The following CERS3 variants were observed in gnomAD, a reference collection of about 807,000 sequenced individuals.
The protein encoded by CERS3 is LAG1 homolog, ceramide synthase 3.
CERS3 carries 33 observed loss-of-function variants against 50.3 expected under a neutral mutation model. The observed-to-expected ratio is 0.66, with a 90% CI of 0.50 to 0.88. The LOEUF (loss-of-function observed/expected upper bound fraction) is 0.88, where lower values mean the gene tolerates loss of function less well. Ranked by LOEUF, CERS3 falls within the 40% of genes least tolerant of loss-of-function variation. The pLI is 0.00. For missense variants in CERS3, 470 were observed against 460.3 expected (o/e 1.02, Z -0.19); for synonymous variants, 176 against 155.2 (o/e 1.13, Z -0.99).
At chr15:100,420,495 C>T (rs1231779853) in intron 11 of CERS3, among the ~76,000 whole-genome samples, 1 of 152,042 alleles carries the variant, frequency 6.6e-6, no homozygotes, top group African/African-American at 2.4e-5. Context: ...CTGAATTCTA[C>T]CAGAGGTACA....
chr15:100,486,374 G>A (rs912562440), intron 4 of CERS3, among the ~76,000 whole-genome samples: 18 of 152,190 alleles, frequency 1.2e-4, no homozygotes, highest in Admixed American at 9.8e-4. Flanking sequence ...CTATGTAGGC[G>A]TAAGCACCGC....
intron 11 of CERS3, among the ~76,000 whole-genome samples, chr15:100,421,487 T>C (rs1038646111): frequency 5.3e-5 from 8 of 151,870 alleles, no homozygotes; most frequent in African/African-American, 9.7e-5. Context: ...AGAAACAATA[T>C]CGTGAAAATG....
At chr15:100,415,205 A>T (rs1032393702) in intron 11 of CERS3, among the ~76,000 whole-genome samples, 1 of 152,238 alleles carries the variant, frequency 6.6e-6, no homozygotes, top group African/African-American at 2.4e-5. Flanking sequence ...GAGAACTGCA[A>T]ATCAAAATCA....
intron 10 of CERS3, among the ~76,000 whole-genome samples, chr15:100,466,861 T>TTCTTTCTC (rs2034760014): frequency 2.8e-5 from 1 of 35,126 alleles, no homozygotes; most frequent in African/African-American, 1.0e-4. Context: ...CTCTCTTTCT[T>TTCTTTCTC]TCTTTCTTTC....
chr15:100,497,888 CACACACACTT>C (rs766538642), intron 3 of CERS3, among the ~76,000 whole-genome samples: 14,579 of 64,944 alleles, frequency 0.22, 675 homozygotes, highest in Middle Eastern at 0.29. Flanking sequence ...CACACACACA[CACACACACTT>C]TTTTTTTTTT....
chr15:100,500,528 C>T (rs1457548999), intron 3 of CERS3: 1 of 152,180 alleles, frequency 6.6e-6, no homozygotes, highest in Non-Finnish European at 1.5e-5. Flanking sequence ...AAGTAATGGA[C>T]CTGGATGCCA....
chr15:100,523,900 T>C (rs746118902), intron 1 of CERS3, among the ~76,000 whole-genome samples: 1 of 152,128 alleles, frequency 6.6e-6, no homozygotes, highest in Non-Finnish European at 1.5e-5. Flanking sequence ...CTAGAAGTTA[T>C]ATTGTTTTAC....
intron 11 of CERS3, among the ~76,000 whole-genome samples, chr15:100,442,915 T>C (rs573809987): frequency 4.8e-4 from 73 of 150,570 alleles, no homozygotes; most frequent in African/African-American, 1.7e-3. Context: ...CTGTTTCCCT[T>C]GCCTCCATAA....
chr15:100,494,210 C>CATATACATAT (rs2035737415), intron 3 of CERS3, among the ~76,000 whole-genome samples: 2 of 78,122 alleles, frequency 2.6e-5, no homozygotes, highest in African/African-American at 1.1e-4. Context: ...TTTTTCTTTT[C>CATATACATAT]ATATATATAT....
intron 11 of CERS3, among the ~76,000 whole-genome samples, chr15:100,434,133 A>G (rs1028125554): frequency 6.6e-6 from 1 of 152,240 alleles, no homozygotes; most frequent in African/African-American, 2.4e-5. Flanking sequence ...CCATGTTTCC[A>G]GGCTCAGACT....
At chr15:100,451,400 C>T (rs1337506442) in intron 11 of CERS3, among the ~76,000 whole-genome samples, 1 of 151,830 alleles carries the variant, frequency 6.6e-6, no homozygotes, top group Non-Finnish European at 1.5e-5. Flanking sequence ...TTTATTTCAC[C>T]TGTGAAAACA....
At chr15:100,532,381 A>G (rs1290299265), upstream of CERS3, among the ~76,000 whole-genome samples, 2 of 152,194 alleles carry the variant, frequency 1.3e-5, no homozygotes, top group Non-Finnish European at 2.9e-5. Flanking sequence ...AGATTTTACT[A>G]TCAACAAACT....
intron 11 of CERS3, among the ~76,000 whole-genome samples, chr15:100,446,982 T>C (rs2033966764): frequency 6.6e-6 from 1 of 152,206 alleles, no homozygotes; most frequent in Non-Finnish European, 1.5e-5. Context: ...ACATAATAGA[T>C]AGCAGCCCCT....
chr15:100,456,134 C>A (rs2034366015), intron 10 of CERS3, 88 bp from the exon 11 acceptor site: 1 of 941,452 alleles, frequency 1.1e-6, no homozygotes, highest in East Asian at 3.0e-5. Flanking sequence ...TTCTCCTAAG[C>A]CATACATGTA....
upstream of CERS3, among the ~76,000 whole-genome samples, chr15:100,531,444 G>C (rs753745893): frequency 7.9e-5 from 12 of 152,150 alleles, no homozygotes; most frequent in Admixed American, 5.2e-4. Flanking sequence ...CGGAGGGTTT[G>C]CTGGTGAAGA....
At chr15:100,520,707 G>T (rs918266590) in intron 2 of CERS3, among the ~76,000 whole-genome samples, 1 of 152,118 alleles carries the variant, frequency 6.6e-6, no homozygotes, top group Admixed American at 6.5e-5. Context: ...AAAATGACAG[G>T]CCCAAGGCAG....
intron 5 of CERS3, among the ~76,000 whole-genome samples, chr15:100,482,556 C>A (rs1265703467): frequency 6.6e-6 from 1 of 151,726 alleles, no homozygotes; most frequent in Non-Finnish European, 1.5e-5. Flanking sequence ...AGGTGGAAAT[C>A]TGTATTTTAA....
intron 11 of CERS3, among the ~76,000 whole-genome samples, chr15:100,419,891 A>C: frequency 6.7e-6 from 1 of 150,012 alleles, no homozygotes; most frequent in Non-Finnish European, 1.5e-5. Flanking sequence ...CAACGAGAAC[A>C]AAGACACAAC....
At chr15:100,434,669 C>T (rs778130748) in intron 11 of CERS3, among the ~76,000 whole-genome samples, 26 of 152,068 alleles carry the variant, frequency 1.7e-4, no homozygotes, top group Non-Finnish European at 3.1e-4. Context: ...TGGGGCCTCC[C>T]TATACCTGTT....
Sources: allele counts gnomAD v4.1 joint callset (sites outside exome capture counted in the v4.1 genomes callset), GRCh38; gene constraint gnomAD v4.1.1; transcripts MANE v1.5; gene names NCBI Gene and HGNC (gene_info 2026-07-23, HGNC 2026-07-21).